MAST4: variants seen among roughly 807,000 people sequenced by gnomAD.
The protein encoded by MAST4 is microtubule associated serine/threonine kinase family member 4.
In MAST4, 89 loss-of-function variants were observed where a neutral mutation model predicts 162.7. The observed-to-expected ratio is 0.55, with a 90% CI of 0.46 to 0.65. The LOEUF is 0.65. Ranked by LOEUF, MAST4 falls within the 30% of genes least tolerant of loss-of-function variation. The pLI, the probability that MAST4 is intolerant of heterozygous loss-of-function variation, is 0.00. For missense variants in MAST4, 3,153 were observed against 3,374.0 expected, an observed-to-expected ratio of 0.93 and a Z score of 1.62; for synonymous variants, 1,479 against 1,361.1, an observed-to-expected ratio of 1.09 and a Z score of -1.91.
At chr5:67,071,256 GAAATAAAATA>G (rs201272316) in intron 5 of MAST4, among the ~76,000 whole-genome samples, 1 of 151,992 alleles carries the variant, frequency 6.6e-6, no homozygotes, top group Non-Finnish European at 1.5e-5. Context: ...ATCTGAACAG[GAAATAAAATA>G]AAATAAAATA....
At chr5:67,129,860 TCTGA>T in intron 14 of MAST4, among the ~76,000 whole-genome samples, 1 of 152,366 alleles carries the variant, frequency 6.6e-6, no homozygotes, top group East Asian at 1.9e-4. Context: ...TCTTTCCTGT[TCTGA>T]CATATATCGA....
intron 23 of MAST4, 108 bp downstream of exon 23, chr5:67,145,487 C>G (rs767595394): frequency 4.3e-4 from 352 of 819,902 alleles, no homozygotes; most frequent in Non-Finnish European, 2.3e-4. Flanking sequence ...GTGTTTTATG[C>G]TGCTAGACTT....
intron 1 of MAST4, among the ~76,000 whole-genome samples, chr5:66,731,879 A>C (rs1561292237): frequency 2.0e-5 from 3 of 152,010 alleles, no homozygotes; most frequent in Non-Finnish European, 4.4e-5. Flanking sequence ...CCTCAAGGCC[A>C]AGCCACCCTT....
rs1755642303 is a variant in MAST4, at chr5:66,796,279, AT to A, written c.642+7487del. On this transcript the variant is annotated intron_variant, in intron 3 of 28. Transcript: ENST00000403625. ...GGTAATTAGTAGGCATGTGAAGGGT[AT>A]TGCGATTCGGTCTAAGAACGAGTGA... Among the ~76,000 whole-genome samples the A allele has an allele frequency of 2.0e-5, 3 of 152,338 alleles. No individual in the cohort carries two copies. The South Asian group carries it at 6.2e-4, about 32-fold the overall frequency.
chr5:66,757,976 C>T (rs61014464), intron 1 of MAST4, among the ~76,000 whole-genome samples: 3,729 of 152,046 alleles, frequency 0.025, 126 homozygotes, highest in South Asian at 0.074. Flanking sequence ...GGAGGCCCTC[C>T]TAAATAGGAC....
At chr5:67,007,064 C>A (rs1467827431) in intron 4 of MAST4, among the ~76,000 whole-genome samples, 1 of 152,144 alleles carries the variant, frequency 6.6e-6, no homozygotes, top group Admixed American at 6.5e-5. Flanking sequence ...AAAGGGCTAG[C>A]ATTGCTTTAT....
At chr5:67,161,449 A>G (rs1773173756) in intron 27 of MAST4, among the ~76,000 whole-genome samples, 1 of 152,222 alleles carries the variant, frequency 6.6e-6, no homozygotes, top group Non-Finnish European at 1.5e-5. Flanking sequence ...CTTTCGCTAT[A>G]TTGGGAAGAA....
intron 2 of MAST4, among the ~76,000 whole-genome samples, chr5:66,775,019 GTGTGTGTGTGTGTGTGTA>G (rs1303972822): frequency 4.7e-5 from 7 of 147,876 alleles, no homozygotes; most frequent in East Asian, 4.2e-4. Flanking sequence ...GTGTGTGTGT[GTGTGTGTGTGTGTGTGTA>G]TGTGTGTGTT....
At chr5:67,024,204 G>A (rs1754333739) in intron 4 of MAST4, among the ~76,000 whole-genome samples, 1 of 151,134 alleles carries the variant, frequency 6.6e-6, no homozygotes. Flanking sequence ...ATGTCCTCAA[G>A]GTTCATCCAT....
At chr5:67,032,250 C>T (rs1207323412) in intron 4 of MAST4, among the ~76,000 whole-genome samples, 2 of 152,098 alleles carry the variant, frequency 1.3e-5, no homozygotes, top group Non-Finnish European at 2.9e-5. Flanking sequence ...ATGAAGATTC[C>T]AGGATCTTTA....
At chr5:66,774,408 T>C (rs1043523868) in intron 2 of MAST4, among the ~76,000 whole-genome samples, 5 of 152,220 alleles carry the variant, frequency 3.3e-5, no homozygotes, top group African/African-American at 1.2e-4. Context: ...CCTGTGGTTA[T>C]GAGTGCTGTG....
At chr5:66,864,446 G>A (rs1044367671) in intron 3 of MAST4, among the ~76,000 whole-genome samples, 10 of 152,134 alleles carry the variant, frequency 6.6e-5, no homozygotes, top group African/African-American at 9.7e-5. Context: ...CAGACAGGCC[G>A]CCAGGCTGGA....
Position 66,596,713 on chromosome 5 carries a change from G to T in MAST4, c.58G>T (p.Gly20Cys), listed in dbSNP as rs763174984. The T allele has an allele frequency of 6.9e-7, 1 of 1,448,720 alleles. No individual in the cohort carries two copies. The highest frequency in any genetic ancestry group is 9.1e-7 in the Non-Finnish European group (1 of 1,101,276). The allele number at this position is 1,448,720 out of a possible 1,614,324, so 89.7% of individuals were successfully genotyped here. ...GGTGCCCCGCGGCTGCAGTGGCCAC[G>T]GCAGCCGGACTCCAGCCTCTGCGCT... ...EPVPRGCSGH[G>C]SRTPASALVA... is the part of the protein sequence containing the mutation. Residue 20 changes from glycine to cysteine, a missense_variant, in exon 1 of 29, where the codon GGC becomes TGC. Physicochemically the swap from Gly to Cys is radical, Grantham distance 159. This residue lies in a region of MAST4 where 327 missense variants were observed against 336.5 expected (regional missense o/e 0.97). Transcript: ENST00000403625.
intron 23 of MAST4, 58 bp downstream of exon 23, chr5:67,145,437 G>A: frequency 1.3e-6 from 2 of 1,496,790 alleles, no homozygotes; most frequent in Non-Finnish European, 1.8e-6. Context: ...GTCTCCTAGT[G>A]CTCAGTCCCA....
intron 3 of MAST4, among the ~76,000 whole-genome samples, chr5:66,841,913 G>A (rs908761135): frequency 1.3e-5 from 2 of 152,002 alleles, no homozygotes; most frequent in Non-Finnish European, 2.9e-5. Context: ...TTTGTATTAT[G>A]AGCCATACGT....
At chr5:66,810,580 C>T (rs1338919689) in intron 3 of MAST4, among the ~76,000 whole-genome samples, 1 of 152,166 alleles carries the variant, frequency 6.6e-6, no homozygotes, top group Admixed American at 6.5e-5. Flanking sequence ...CTCAGATGAA[C>T]AAGTAAGTAG....
chr5:66,811,496 C>T (rs1756477623), intron 3 of MAST4, among the ~76,000 whole-genome samples: 1 of 152,118 alleles, frequency 6.6e-6, no homozygotes, highest in African/African-American at 2.4e-5. Context: ...CTACCCAGCC[C>T]CCTTCTTTGC....
chr5:66,963,654 A>C (rs566935184), intron 4 of MAST4: 103 of 778,064 alleles, frequency 1.3e-4, no homozygotes, highest in Non-Finnish European at 2.3e-4. Context: ...GAGCTATGCT[A>C]TTTTTACTGC....
intron 4 of MAST4, among the ~76,000 whole-genome samples, chr5:66,983,847 T>G (rs1749150668): frequency 6.6e-6 from 1 of 152,210 alleles, no homozygotes; most frequent in Non-Finnish European, 1.5e-5. Context: ...TAGTGGGGTT[T>G]ACAGAGTGAA....
Sources: gnomAD v4.1 joint callset for allele counts (sites outside exome capture counted in the v4.1 genomes callset) on GRCh38, gnomAD v4.1.1 for gene constraint, gnomAD v4.1.1 regional missense constraint, MANE v1.5 for transcripts, NCBI Gene and HGNC (gene_info 2026-07-23, HGNC 2026-07-21) for gene names.